The following STMN2 variants were observed in gnomAD, a reference collection of about 807,000 sequenced individuals.
The protein encoded by STMN2 is stathmin 2, also known as stathmin-2.
STMN2 carries 2 observed loss-of-function variants against 24.1 expected under a neutral mutation model. That is an observed-to-expected ratio of 0.08 (90% confidence interval 0.03 to 0.26). The LOEUF (loss-of-function observed/expected upper bound fraction) is 0.26, where lower values mean the gene tolerates loss of function less well. STMN2 is among the 10% of genes least tolerant of loss of function. The pLI is 1.00. For missense variants in STMN2, 114 were observed against 213.6 expected, an observed-to-expected ratio of 0.53 and a Z score of 2.91; for synonymous variants, 83 against 77.5, an observed-to-expected ratio of 1.07 and a Z score of -0.37.
chr8:79,641,624 G>GCACTCACA, intron 3 of STMN2, 74 bp downstream of exon 3: 11 of 476,288 alleles, frequency 2.3e-5, no homozygotes, highest in East Asian at 5.2e-5. Flanking sequence ...GGGCACACAT[G>GCACTCACA]CACGCACACA....
intron 1 of STMN2, among the ~76,000 whole-genome samples, chr8:79,614,529 C>T (rs1024442675): frequency 6.6e-6 from 1 of 152,240 alleles, no homozygotes; most frequent in African/African-American, 2.4e-5. Context: ...AATAAACACT[C>T]TCTGTCCCAG....
chr8:79,623,624 C>T (rs1563434896), intron 1 of STMN2, among the ~76,000 whole-genome samples: 1 of 152,274 alleles, frequency 6.6e-6, no homozygotes, highest in East Asian at 1.9e-4. Context: ...TATTTTTTCA[C>T]ATTTATAAGC....
chr8:79,636,715 G>A (rs865944491), intron 1 of STMN2, 87 bp from the exon 2 acceptor site: 1 of 1,217,590 alleles, frequency 8.2e-7, no homozygotes, highest in Middle Eastern at 2.0e-4. Context: ...CTCTGCAGGA[G>A]GCAATAATTA....
At chr8:79,613,495 G>A in intron 1 of STMN2, 1 of 985,496 alleles carries the variant, frequency 1.0e-6, no homozygotes, top group Non-Finnish European at 1.2e-6. Flanking sequence ...GTCCAGAAAG[G>A]TTCTGAGAAT....
chr8:79,622,619 T>C (rs1405025545), intron 1 of STMN2, among the ~76,000 whole-genome samples: 3 of 152,192 alleles, frequency 2.0e-5, no homozygotes, highest in Non-Finnish European at 4.4e-5. Context: ...ATAATTAAAA[T>C]AAAAGTATAT....
intron 3 of STMN2, among the ~76,000 whole-genome samples, chr8:79,652,043 C>T (rs1162274618): frequency 6.6e-6 from 1 of 152,236 alleles, no homozygotes; most frequent in African/African-American, 2.4e-5. Flanking sequence ...CTGCCTTTAG[C>T]AGCTGTGGCT....
Position 79,665,282 on chromosome 8 carries a change from A to G in STMN2, c.*408A>G, listed in dbSNP as rs184324876. On this transcript the variant is annotated 3_prime_UTR_variant, in exon 5 of 5. Transcript: ENST00000220876. ...GAAAAATGAGGTCAGTAGACAGTCT[A>G]TGGTGCTAGAAACCCACCATTGCCT... 1.1e-4 allele frequency: 18 copies of G among 158,624 alleles called. No homozygotes were observed. Among genetic ancestry groups the G allele is most frequent in the Admixed American group, 2.5e-4 (4 of 15,720 alleles). The allele number at this position is 158,624 out of a possible 1,614,324, so 9.8% of individuals were successfully genotyped here.
In STMN2 at chr8:79,641,570, T is replaced by A. The variant is rs1265584917; in HGVS notation, c.288+20T>A. 6.2e-7 allele frequency: 1 copy of A among 1,607,486 alleles called. No individual in the cohort carries two copies. Among genetic ancestry groups the A allele is most frequent in the Admixed American group, 1.7e-5 (1 of 59,028 alleles). ...AGAAAGGTAACTTTTTCCATAGGTT[T>A]TCCTTCTCTCTCTCCCTCCCCTGCT... On this transcript the variant is annotated intron_variant, in intron 3 of 4. Transcript: ENST00000220876.
intron 3 of STMN2, among the ~76,000 whole-genome samples, chr8:79,653,139 A>C (rs1489892898): frequency 6.6e-6 from 1 of 152,128 alleles, no homozygotes; most frequent in Non-Finnish European, 1.5e-5. Flanking sequence ...GTACTTTGGG[A>C]GGCCGAGGCG....
intron 2 of STMN2, among the ~76,000 whole-genome samples, chr8:79,640,168 C>T (rs1322617255): frequency 1.3e-5 from 2 of 152,198 alleles, no homozygotes; most frequent in Non-Finnish European, 2.9e-5. Context: ...CCACTGCACT[C>T]CAGCCTGGCA....
At chr8:79,661,050 C>A (rs1806490796) in intron 4 of STMN2, among the ~76,000 whole-genome samples, 1 of 152,102 alleles carries the variant, frequency 6.6e-6, no homozygotes, top group African/African-American at 2.4e-5. Context: ...ACTTGTTGGT[C>A]AATGGACACT....
intron 1 of STMN2, among the ~76,000 whole-genome samples, chr8:79,615,675 G>T (rs911945317): frequency 6.6e-6 from 1 of 152,060 alleles, no homozygotes; most frequent in Non-Finnish European, 1.5e-5. Flanking sequence ...AATATTAACT[G>T]TTTAATAAAA....
At chr8:79,623,800 C>G (rs1203856238) in intron 1 of STMN2, among the ~76,000 whole-genome samples, 1 of 151,870 alleles carries the variant, frequency 6.6e-6, no homozygotes, top group Non-Finnish European at 1.5e-5. Flanking sequence ...AAAATAAACT[C>G]TAATGAGGTT....
At chr8:79,655,738 T>G (rs1806335418) in intron 4 of STMN2, among the ~76,000 whole-genome samples, 1 of 152,162 alleles carries the variant, frequency 6.6e-6, no homozygotes, top group Admixed American at 6.5e-5. Context: ...CTCTCTATGC[T>G]GTCTCCCACC....
At chr8:79,626,251 A>G (rs1267437021) in intron 1 of STMN2, among the ~76,000 whole-genome samples, 1 of 152,220 alleles carries the variant, frequency 6.6e-6, no homozygotes, top group Non-Finnish European at 1.5e-5. Context: ...TGGAGCTAAA[A>G]TAAGGGAGAG....
chr8:79,649,504 G>A (rs1351919497), intron 3 of STMN2, among the ~76,000 whole-genome samples: 2 of 151,982 alleles, frequency 1.3e-5, no homozygotes, highest in Non-Finnish European at 2.9e-5. Context: ...TATTTCAACA[G>A]GACATTATTT....
chr8:79,658,878 C>T (rs1806438187), intron 4 of STMN2, among the ~76,000 whole-genome samples: 1 of 152,212 alleles, frequency 6.6e-6, no homozygotes, highest in Admixed American at 6.5e-5. Flanking sequence ...GCCCTGGCTG[C>T]ACTTCGGAAT....
At chr8:79,663,779 C>G in intron 4 of STMN2, 1 of 770,540 alleles carries the variant, frequency 1.3e-6, no homozygotes, top group Non-Finnish European at 1.9e-6. Flanking sequence ...TGATTTTAGT[C>G]ATCTGATGTA....
chr8:79,652,111 GATTTTAAAGCA>G (rs1563446387), intron 3 of STMN2, among the ~76,000 whole-genome samples: 10 of 152,164 alleles, frequency 6.6e-5, no homozygotes, highest in African/African-American at 2.4e-4. Context: ...ATAGAAAAAT[GATTTTAAAGCA>G]CGGCACTTAG....
Sources: allele counts gnomAD v4.1 joint callset (sites outside exome capture counted in the v4.1 genomes callset), GRCh38; gene constraint gnomAD v4.1.1; transcripts MANE v1.5; gene names NCBI Gene and HGNC (gene_info 2026-07-23, HGNC 2026-07-21).